UBE2E2: variants seen among roughly 807,000 people sequenced by gnomAD.
UBE2E2 encodes the protein ubiquitin conjugating enzyme E2 E2.
Under a neutral mutation model 24.7 loss-of-function variants are expected in UBE2E2, and 6 were observed. The observed-to-expected ratio is 0.24, with a 90% CI of 0.13 to 0.48. The LOEUF (loss-of-function observed/expected upper bound fraction) is 0.48. Among genes scored for constraint, UBE2E2 ranks in the 20% least tolerant of loss-of-function variants. The probability of loss-of-function intolerance (pLI) is 0.99; values close to 1 mark genes in which losing one functional copy is unlikely to be tolerated. For missense variants in UBE2E2, 169 were observed against 245.0 expected, an observed-to-expected ratio of 0.69 and a Z score of 2.07; for synonymous variants, 104 against 83.6, an observed-to-expected ratio of 1.24 and a Z score of -1.33.
At chr3:23,450,476 A>G (rs905175823) in intron 3 of UBE2E2, among the ~76,000 whole-genome samples, 2 of 152,160 alleles carry the variant, frequency 1.3e-5, no homozygotes, top group Non-Finnish European at 2.9e-5. Flanking sequence ...TAACATTGCT[A>G]TAGATACACC....
chr3:23,257,929 C>T (rs1307240132), intron 3 of UBE2E2, among the ~76,000 whole-genome samples: 4 of 151,752 alleles, frequency 2.6e-5, no homozygotes, highest in South Asian at 4.2e-4. Flanking sequence ...AGATCTCTTT[C>T]GTCTATTCCT....
At chr3:23,578,155 A>ACG (rs1559427945) in intron 5 of UBE2E2, among the ~76,000 whole-genome samples, 1 of 152,226 alleles carries the variant, frequency 6.6e-6, no homozygotes, top group East Asian at 1.9e-4. Flanking sequence ...AAAAGAAGAC[A>ACG]TACGTGTGGC....
At chr3:23,441,431 C>T (rs936057501) in intron 3 of UBE2E2, among the ~76,000 whole-genome samples, 51 of 149,452 alleles carry the variant, frequency 3.4e-4, no homozygotes, top group Non-Finnish European at 5.3e-4. Context: ...CCCAGCTACT[C>T]GGGAGGCTGA....
At chr3:23,393,296 CAGAT>C (rs1215937809) in intron 3 of UBE2E2, among the ~76,000 whole-genome samples, 1 of 152,108 alleles carries the variant, frequency 6.6e-6, no homozygotes, top group African/African-American at 2.4e-5. Context: ...CCAAAAGTAT[CAGAT>C]AGATGACAAA....
chr3:23,408,034 T>C (rs1287826630), intron 3 of UBE2E2, among the ~76,000 whole-genome samples: 1 of 152,108 alleles, frequency 6.6e-6, no homozygotes, highest in Non-Finnish European at 1.5e-5. Flanking sequence ...CTGAAGTAAA[T>C]AAAACTTTTA....
Position 23,264,026 on chromosome 3 carries a change from T to G in UBE2E2, c.227+46714T>G, listed in dbSNP as rs145437676. Among the ~76,000 whole-genome samples, 88 of 152,314 alleles carry G rather than the reference T, an allele frequency of 5.8e-4. 3 individuals are homozygous for G. In the East Asian group the frequency reaches 0.016, roughly 27 times the overall value. ...AGTTAACATTACTGAGTGCTTACTA[T>G]GAGTCGGGTACATGATCTTACATAA... On this transcript the variant is annotated intron_variant, in intron 3 of 5. Transcript: ENST00000396703.
intron 3 of UBE2E2, among the ~76,000 whole-genome samples, chr3:23,276,354 CTA>C (rs1175550642): frequency 1.2e-4 from 18 of 151,964 alleles, no homozygotes; most frequent in Admixed American, 1.1e-3. Context: ...TACTAGAAAA[CTA>C]AAATTGTGCT....
chr3:23,247,988 C>T (rs1405634250), intron 3 of UBE2E2, among the ~76,000 whole-genome samples: 1 of 152,220 alleles, frequency 6.6e-6, no homozygotes, highest in African/African-American at 2.4e-5. Flanking sequence ...TTCTGATTAG[C>T]ATAAAGCTTT....
intron 3 of UBE2E2, among the ~76,000 whole-genome samples, chr3:23,305,536 A>G (rs750082031): frequency 7.2e-5 from 11 of 152,192 alleles, no homozygotes; most frequent in Non-Finnish European, 1.6e-4. Context: ...ATGTCCACTC[A>G]GTGAAAATGG....
chr3:23,478,776 C>G (rs1287242139), intron 3 of UBE2E2, among the ~76,000 whole-genome samples: 1 of 152,096 alleles, frequency 6.6e-6, no homozygotes, highest in East Asian at 1.9e-4. Context: ...CATGATGGCT[C>G]TTGCCTATAA....
chr3:23,207,768 G>A (rs953669150), intron 1 of UBE2E2, among the ~76,000 whole-genome samples: 15 of 152,128 alleles, frequency 9.9e-5, no homozygotes, highest in African/African-American at 3.6e-4. Flanking sequence ...TTAGCACAGC[G>A]CCTGGTAGAG....
chr3:23,208,876 G>A lies in UBE2E2; in HGVS notation c.176+1G>A. ...CTAAATTGTCAACTAGTGCTAAAAG[G>A]TACTTCAGTTATTATAACCTTTTTA... is the stretch of plus-strand genomic sequence containing the variant. On this transcript the variant is annotated splice_donor_variant, in intron 2 of 5. Transcript: ENST00000396703. LOFTEE classifies it high-confidence loss of function. The A allele has an allele frequency of 6.2e-7, 1 of 1,605,578 alleles. No individual in the cohort carries two copies. The highest frequency in any genetic ancestry group is 8.5e-7 in the Non-Finnish European group (1 of 1,176,024).
At chr3:23,260,172 GT>G (rs1697857777) in intron 3 of UBE2E2, among the ~76,000 whole-genome samples, 1 of 152,048 alleles carries the variant, frequency 6.6e-6, no homozygotes, top group Non-Finnish European at 1.5e-5. Context: ...GTTCTTTTTT[GT>G]TTGATGACAC....
chr3:23,501,374 C>T (rs963328308), intron 4 of UBE2E2, among the ~76,000 whole-genome samples: 2 of 152,114 alleles, frequency 1.3e-5, no homozygotes, highest in African/African-American at 2.4e-5. Flanking sequence ...TCGTGCACTC[C>T]ACTGGGCATC....
chr3:23,308,411 A>G (rs1310660582), intron 3 of UBE2E2, among the ~76,000 whole-genome samples: 2 of 152,212 alleles, frequency 1.3e-5, no homozygotes, highest in Non-Finnish European at 2.9e-5. Flanking sequence ...ATTACATACT[A>G]TAGTGAATTA....
intron 3 of UBE2E2, among the ~76,000 whole-genome samples, chr3:23,439,056 A>G (rs1243589909): frequency 3.9e-5 from 6 of 152,262 alleles, no homozygotes; most frequent in African/African-American, 1.4e-4. Context: ...TTTATATACA[A>G]GAAAATCAGA....
At chr3:23,372,611 T>C (rs868527965) in intron 3 of UBE2E2, among the ~76,000 whole-genome samples, 3 of 152,228 alleles carry the variant, frequency 2.0e-5, no homozygotes, top group South Asian at 2.1e-4. Flanking sequence ...AGTGAAAGAC[T>C]GTAGTACAGA....
At chr3:23,310,479 C>T (rs73823448) in intron 3 of UBE2E2, among the ~76,000 whole-genome samples, 36 of 152,088 alleles carry the variant, frequency 2.4e-4, no homozygotes, top group African/African-American at 8.7e-4. Context: ...AAAGATATTA[C>T]CAGGTTTACT....
intron 3 of UBE2E2, chr3:23,449,988 C>T (rs1488637805): frequency 6.4e-6 from 6 of 931,684 alleles, no homozygotes; most frequent in Middle Eastern, 5.5e-4. Flanking sequence ...TACCCTGCCA[C>T]GTGAGTACAG....
Sources: allele counts gnomAD v4.1 joint callset (sites outside exome capture counted in the v4.1 genomes callset), GRCh38; gene constraint gnomAD v4.1.1; transcripts MANE v1.5; gene names NCBI Gene and HGNC (gene_info 2026-07-23, HGNC 2026-07-21).